The following CTNNA2 variants were observed in gnomAD, a reference collection of about 807,000 sequenced individuals.
CTNNA2 encodes catenin alpha 2, also known as catenin alpha-2.
CTNNA2 carries 42 observed loss-of-function variants against 101.0 expected under a neutral mutation model. The ratio of observed to expected loss-of-function variants is 0.42; its 90% CI spans 0.32 to 0.54. The LOEUF (loss-of-function observed/expected upper bound fraction) is 0.54. Ranked by LOEUF, CTNNA2 falls within the 20% of genes least tolerant of loss-of-function variation. The pLI is 0.14. For missense variants in CTNNA2, 871 were observed against 1,223.1 expected (o/e 0.71, Z 4.29); for synonymous variants, 450 against 456.4 (o/e 0.99, Z 0.18).
chr2:79,468,096 G>A (rs899552952), intron 4 of CTNNA2, among the ~76,000 whole-genome samples: 4 of 152,094 alleles, frequency 2.6e-5, no homozygotes, highest in Non-Finnish European at 5.9e-5. Context: ...ATTAGATAAA[G>A]AGTCAAGACC....
intron 7 of CTNNA2, among the ~76,000 whole-genome samples, chr2:80,187,427 G>A (rs1291970198): frequency 6.6e-6 from 1 of 152,214 alleles, no homozygotes; most frequent in Non-Finnish European, 1.5e-5. Context: ...ATATAACAAA[G>A]TGCTGTCACA....
At chr2:79,288,144 G>C (rs1044031990) in intron 2 of CTNNA2, among the ~76,000 whole-genome samples, 3 of 152,200 alleles carry the variant, frequency 2.0e-5, no homozygotes, top group Non-Finnish European at 4.4e-5. Flanking sequence ...TGTGCCCACT[G>C]TCTGGCACTC....
intron 7 of CTNNA2, among the ~76,000 whole-genome samples, chr2:80,209,293 C>T (rs1247547911): frequency 2.0e-5 from 3 of 151,588 alleles, no homozygotes; most frequent in African/African-American, 7.3e-5. Context: ...CCTCCGCCTC[C>T]CAGGTTGGAG....
intron 1 of CTNNA2, among the ~76,000 whole-genome samples, chr2:79,604,983 A>G (rs542499821): frequency 5.3e-5 from 8 of 152,340 alleles, no homozygotes; most frequent in African/African-American, 1.9e-4. Context: ...TCCAATCACA[A>G]ATTACCAGGT....
intron 7 of CTNNA2, among the ~76,000 whole-genome samples, chr2:80,171,564 C>T (rs1200631894): frequency 6.6e-6 from 1 of 152,184 alleles, no homozygotes; most frequent in Non-Finnish European, 1.5e-5. Flanking sequence ...CATCAGTGCT[C>T]AAGGCACCTA....
intron 7 of CTNNA2, among the ~76,000 whole-genome samples, chr2:79,975,913 T>C (rs539791969): frequency 7.2e-5 from 11 of 152,276 alleles, no homozygotes; most frequent in East Asian, 1.9e-4. Flanking sequence ...GATTAAACCA[T>C]TGGCCGTTAG....
At chr2:80,323,194 G>T (rs1240531643) in intron 7 of CTNNA2, among the ~76,000 whole-genome samples, 1 of 152,126 alleles carries the variant, frequency 6.6e-6, no homozygotes, top group African/African-American at 2.4e-5. Context: ...ACAGCACATA[G>T]CAGCCGCTGG....
intron 2 of CTNNA2, among the ~76,000 whole-genome samples, chr2:79,299,320 G>A (rs1170981343): frequency 6.6e-6 from 1 of 152,164 alleles, no homozygotes; most frequent in African/African-American, 2.4e-5. Context: ...TAGTTTATTA[G>A]TTTGTTTAAC....
chr2:80,487,496 CAAG>C (rs1686687561), intron 9 of CTNNA2, among the ~76,000 whole-genome samples: 1 of 151,896 alleles, frequency 6.6e-6, no homozygotes, highest in African/African-American at 2.4e-5. Context: ...CACATGGTGG[CAAG>C]AAGAAGTGCC....
At chr2:79,306,227 G>A (rs987642399) in intron 2 of CTNNA2, among the ~76,000 whole-genome samples, 1 of 151,978 alleles carries the variant, frequency 6.6e-6, no homozygotes, top group African/African-American at 2.4e-5. Flanking sequence ...AGGGATTGAG[G>A]GATTCTTGGT....
At chr2:80,341,675 A>G (rs749914030) in intron 7 of CTNNA2, among the ~76,000 whole-genome samples, 14 of 152,328 alleles carry the variant, frequency 9.2e-5, no homozygotes, top group Non-Finnish European at 1.0e-4. Flanking sequence ...GGAATGTAGA[A>G]TGGTACAGCT....
chr2:79,229,481 T>A (rs1487696725), intron 2 of CTNNA2, among the ~76,000 whole-genome samples: 1 of 152,180 alleles, frequency 6.6e-6, no homozygotes, highest in African/African-American at 2.4e-5. Flanking sequence ...CCCTCCACCA[T>A]GATTGTGTGA....
chr2:80,546,137 A>G, intron 11 of CTNNA2, 74 bp downstream of exon 11: 4 of 1,544,720 alleles, frequency 2.6e-6, no homozygotes, highest in Non-Finnish European at 3.5e-6. Context: ...ATGTCTCGCA[A>G]ATGTCATGGA....
intron 2 of CTNNA2, among the ~76,000 whole-genome samples, chr2:79,307,349 C>A (rs1411566944): frequency 2.0e-5 from 3 of 152,176 alleles, no homozygotes; most frequent in African/African-American, 7.2e-5. Flanking sequence ...TCCGATCTAG[C>A]TGTAATTTCG....
At chr2:80,041,269 A>ATT (rs879379818) in intron 7 of CTNNA2, among the ~76,000 whole-genome samples, 10 of 143,764 alleles carry the variant, frequency 7.0e-5, no homozygotes, top group African/African-American at 2.5e-4. Context: ...AGTAATTTTT[A>ATT]TTTTTTTTTT....
chr2:79,896,172 G>C (rs2104247083), intron 6 of CTNNA2, among the ~76,000 whole-genome samples: 1 of 152,032 alleles, frequency 6.6e-6, no homozygotes, highest in East Asian at 1.9e-4. Context: ...AGTCCCAGCT[G>C]TTTGGGAGGC....
intron 2 of CTNNA2, among the ~76,000 whole-genome samples, chr2:79,301,239 A>C (rs778266626): frequency 1.3e-5 from 2 of 152,212 alleles, no homozygotes; most frequent in African/African-American, 4.8e-5. Flanking sequence ...TTCCAATTCC[A>C]TACAGGCCTT....
At chr2:79,727,290 T>C (rs1450537265) in intron 2 of CTNNA2, among the ~76,000 whole-genome samples, 2 of 152,146 alleles carry the variant, frequency 1.3e-5, no homozygotes, top group East Asian at 1.9e-4. Context: ...AAAGTGTACA[T>C]ATGAAGAAAA....
At chr2:79,615,260 T>C (rs1678541099) in intron 1 of CTNNA2, among the ~76,000 whole-genome samples, 2 of 152,202 alleles carry the variant, frequency 1.3e-5, no homozygotes, top group South Asian at 4.1e-4. Flanking sequence ...AATTTATTTC[T>C]AAATGTTAGA....
Sources: gnomAD v4.1 joint callset for allele counts (sites outside exome capture counted in the v4.1 genomes callset) on GRCh38, gnomAD v4.1.1 for gene constraint, MANE v1.5 for transcripts, NCBI Gene and HGNC (gene_info 2026-07-23, HGNC 2026-07-21) for gene names.